CTNND2: variants seen among roughly 807,000 people sequenced by gnomAD.
The protein encoded by CTNND2 is catenin delta-2.
Under a neutral mutation model 144.4 loss-of-function variants are expected in CTNND2, and 22 were observed. That is an observed-to-expected ratio of 0.15 (90% CI 0.11 to 0.22). CTNND2 has a LOEUF of 0.22. Ranked by LOEUF, CTNND2 falls within the 10% of genes least tolerant of loss-of-function variation. CTNND2 has a pLI of 1.00. For synonymous variants in CTNND2, 751 were observed against 695.6 expected, an observed-to-expected ratio of 1.08 and a Z score of -1.25; for missense variants, 1,353 against 1,618.8, an observed-to-expected ratio of 0.84 and a Z score of 2.82.
intron 9 of CTNND2, among the ~76,000 whole-genome samples, chr5:11,304,547 A>C (rs150281748): frequency 7.2e-5 from 11 of 152,238 alleles, no homozygotes; most frequent in Non-Finnish European, 4.4e-5. Context: ...AAAAAATATA[A>C]AACTACAAAT....
chr5:11,786,556 T>C (rs1226318862), intron 1 of CTNND2, among the ~76,000 whole-genome samples: 1 of 152,176 alleles, frequency 6.6e-6, no homozygotes, highest in African/African-American at 2.4e-5. Flanking sequence ...TGAAGCAAGA[T>C]GGGCAGATAA....
At chr5:11,637,026 C>T (rs1227570386) in intron 2 of CTNND2, among the ~76,000 whole-genome samples, 1 of 151,942 alleles carries the variant, frequency 6.6e-6, no homozygotes, top group Non-Finnish European at 1.5e-5. Flanking sequence ...GAGTTATTAC[C>T]TCAAGTAGAT....
chr5:11,196,831 G>A (rs1736905200), intron 11 of CTNND2, among the ~76,000 whole-genome samples: 1 of 152,214 alleles, frequency 6.6e-6, no homozygotes, highest in Non-Finnish European at 1.5e-5. Flanking sequence ...TGGCTGCACT[G>A]TGTGGTCAAC....
intron 2 of CTNND2, among the ~76,000 whole-genome samples, chr5:11,676,242 G>A (rs1561683348): frequency 6.6e-6 from 1 of 152,016 alleles, no homozygotes; most frequent in Non-Finnish European, 1.5e-5. Flanking sequence ...CCATTATTAG[G>A]TTAGGTACTT....
intron 1 of CTNND2, among the ~76,000 whole-genome samples, chr5:11,882,520 T>C (rs1429154156): frequency 2.0e-5 from 3 of 152,072 alleles, no homozygotes; most frequent in Admixed American, 6.6e-5. Flanking sequence ...TATATAGTTT[T>C]CCCAGCAGCA....
intron 2 of CTNND2, among the ~76,000 whole-genome samples, chr5:11,576,943 T>C (rs1054503094): frequency 1.3e-5 from 2 of 152,122 alleles, no homozygotes; most frequent in South Asian, 2.1e-4. Context: ...CCCCCAACAA[T>C]ATGGTGGTAC....
chr5:11,545,662 CAAAAAAAAAA>C (rs34532125), intron 3 of CTNND2, among the ~76,000 whole-genome samples: 2 of 74,274 alleles, frequency 2.7e-5, no homozygotes, highest in Non-Finnish European at 4.9e-5. Context: ...GACTGTGTCT[CAAAAAAAAAA>C]AAAAAAAAAA....
intron 1 of CTNND2, among the ~76,000 whole-genome samples, chr5:11,784,678 G>A (rs1222900977): frequency 6.6e-6 from 1 of 152,206 alleles, no homozygotes; most frequent in African/African-American, 2.4e-5. Context: ...AGTGCCTAGA[G>A]ATGAAAGCCT....
rs1455173696 is a variant in CTNND2, at chr5:11,718,429, G to A, written c.174+13707C>T. Among the ~76,000 whole-genome samples the A allele has an allele frequency of 1.8e-4, 28 of 151,948 alleles. 1 individual carries two copies. Among genetic ancestry groups the A allele is most frequent in the Non-Finnish European group, 8.8e-5 (6 of 67,998 alleles). On this transcript the variant is annotated intron_variant, in intron 2 of 21. Transcript: ENST00000304623. ...AGGAAATATCTCCTTCTCCATTCACGGACAATAACTATTCTATGTGCTGAC... is the reference window on the plus strand; with the variant it reads ...AGGAAATATCTCCTTCTCCATTCACAGACAATAACTATTCTATGTGCTGAC...
At chr5:11,111,907 C>T (rs905732168) in intron 13 of CTNND2, among the ~76,000 whole-genome samples, 13 of 149,502 alleles carry the variant, frequency 8.7e-5, no homozygotes, top group Admixed American at 3.3e-4. Context: ...AGTGCAGTGG[C>T]GCGATCTCGG....
intron 12 of CTNND2, among the ~76,000 whole-genome samples, chr5:11,130,600 C>T (rs1490780180): frequency 6.6e-6 from 1 of 152,154 alleles, no homozygotes; most frequent in Non-Finnish European, 1.5e-5. Flanking sequence ...GGTGTGGATG[C>T]TGTGTGGCTA....
At chr5:11,517,571 T>C (rs1023348565) in intron 3 of CTNND2, among the ~76,000 whole-genome samples, 1 of 151,862 alleles carries the variant, frequency 6.6e-6, no homozygotes, top group East Asian at 1.9e-4. Context: ...TCACCTCACA[T>C]AGTTAACATT....
intron 10 of CTNND2, among the ~76,000 whole-genome samples, chr5:11,236,145 C>CA (rs994216700): frequency 6.6e-6 from 1 of 152,172 alleles, no homozygotes; most frequent in African/African-American, 2.4e-5. Flanking sequence ...TGGACATGGA[C>CA]AATAGTCTCC....
At chr5:11,342,084 G>A (rs1754330587) in intron 9 of CTNND2, among the ~76,000 whole-genome samples, 2 of 151,790 alleles carry the variant, frequency 1.3e-5, no homozygotes. Flanking sequence ...GCGCGTGGGT[G>A]TGTGTGTGTG....
chr5:11,649,809 G>A (rs1581666569), intron 2 of CTNND2, among the ~76,000 whole-genome samples: 1 of 151,994 alleles, frequency 6.6e-6, no homozygotes, highest in African/African-American at 2.4e-5. Context: ...CTGTATTGTA[G>A]GCACTATCAG....
chr5:11,659,231 T>C (rs148715531), intron 2 of CTNND2, among the ~76,000 whole-genome samples: 2 of 152,222 alleles, frequency 1.3e-5, no homozygotes, highest in Non-Finnish European at 2.9e-5. Flanking sequence ...TTATAAGTAA[T>C]ATAGAGATGA....
chr5:11,191,819 C>A (rs1016825723), intron 11 of CTNND2, among the ~76,000 whole-genome samples: 4 of 152,160 alleles, frequency 2.6e-5, no homozygotes, highest in African/African-American at 9.7e-5. Flanking sequence ...AGATTTGCAG[C>A]CAGCGAGAGG....
At chr5:11,519,272 T>C (rs1379315424) in intron 3 of CTNND2, among the ~76,000 whole-genome samples, 3 of 152,188 alleles carry the variant, frequency 2.0e-5, no homozygotes, top group African/African-American at 7.2e-5. Context: ...AGCTTTCACT[T>C]CTTTGAGTAC....
intron 1 of CTNND2, among the ~76,000 whole-genome samples, chr5:11,743,433 C>T (rs1788132431): frequency 6.6e-6 from 1 of 152,210 alleles, no homozygotes; most frequent in Admixed American, 6.5e-5. Context: ...GAATGATGTA[C>T]ACTTTGGGTA....
Sources: allele counts gnomAD v4.1 joint callset (sites outside exome capture counted in the v4.1 genomes callset), GRCh38; gene constraint gnomAD v4.1.1; transcripts MANE v1.5; gene names NCBI Gene and HGNC (gene_info 2026-07-23, HGNC 2026-07-21).